AEBP2: variants seen among roughly 807,000 people sequenced by gnomAD.
AEBP2 encodes AE binding protein 2.
AEBP2 carries 10 observed loss-of-function variants against 50.8 expected under a neutral mutation model. The ratio of observed to expected loss-of-function variants is 0.20; its 90% confidence interval spans 0.12 to 0.33. The LOEUF is 0.33. Among genes scored for constraint, AEBP2 ranks in the 10% least tolerant of loss-of-function variants. The probability of loss-of-function intolerance (pLI) is 1.00; values close to 1 mark genes in which losing one functional copy is unlikely to be tolerated. For missense variants in AEBP2, 570 were observed against 688.0 expected (o/e 0.83, Z 1.92); for synonymous variants, 296 against 261.3 (o/e 1.13, Z -1.28).
chr12:19,425,398 T>C (rs188829108), intron 1 of AEBP2, among the ~76,000 whole-genome samples: 3 of 152,210 alleles, frequency 2.0e-5, no homozygotes, highest in Non-Finnish European at 2.9e-5. Context: ...ATATTAGAAA[T>C]AGTGGAATTA....
chr12:19,494,942 T>G (rs1948949309), intron 4 of AEBP2, among the ~76,000 whole-genome samples: 3 of 152,142 alleles, frequency 2.0e-5, no homozygotes, highest in Non-Finnish European at 4.4e-5. Flanking sequence ...GGTCTCACAC[T>G]GTCGCCCAGG....
At chr12:19,457,122 A>G in intron 1 of AEBP2, 2 of 1,599,728 alleles carry the variant, frequency 1.3e-6, no homozygotes, top group South Asian at 1.1e-5. Context: ...TGACTTCCTT[A>G]ACAATTTCCT....
chr12:19,505,926 C>T (rs12822239), intron 5 of AEBP2, among the ~76,000 whole-genome samples: 3 of 151,782 alleles, frequency 2.0e-5, no homozygotes, highest in African/African-American at 7.3e-5. Context: ...TAGGAGCACA[C>T]CACGATGCCT....
intron 5 of AEBP2, among the ~76,000 whole-genome samples, chr12:19,510,342 C>T (rs1199156479): frequency 3.3e-5 from 5 of 151,926 alleles, no homozygotes; most frequent in Admixed American, 3.3e-4. Context: ...GACTTTTCAC[C>T]CATTATTGGA....
rs1322411405 is a variant in AEBP2 at position 19,440,190 on chromosome 12, C to T, written c.491C>T (p.Pro164Leu). 3 of 1,448,402 alleles carry T rather than the reference C, an allele frequency of 2.1e-6. No homozygotes were observed. The highest frequency in any genetic ancestry group is 2.3e-4 in the Middle Eastern group (1 of 4,302). The allele number at this position is 1,448,402 out of a possible 1,614,324, so 89.7% of individuals were successfully genotyped here. A position where few individuals can be genotyped will look rare whatever the true frequency, so the allele number is the denominator to read the frequency against. Reference protein sequence around the residue: ...GKEGLEEPKGPRGSQGGGGGG... With the variant: ...GKEGLEEPKGLRGSQGGGGGG... ...GAGGGCCTGGAGGAGCCCAAGGGAC[C>T]GCGGGGCAGCCAGGGCGGCGGCGGG... Residue 164 changes from proline (P) to leucine (L), a missense_variant, in exon 1 of 8, where the codon CCG becomes CTG. Around this residue, in one of 2 missense-constraint regions of AEBP2, gnomAD observed 386 missense variants for 336.8 expected, o/e 1.15. Transcript: ENST00000266508.
chr12:19,518,647 A>G lies in AEBP2; in HGVS notation c.*530A>G. The G allele has an allele frequency of 6.8e-7, 1 of 1,464,292 alleles. No homozygotes were observed. The highest frequency in any genetic ancestry group is 9.2e-7 in the Non-Finnish European group (1 of 1,086,120). 90.7% of individuals were successfully genotyped at this position (1,464,292 alleles called of 1,614,324 possible). On this transcript the variant is annotated 3_prime_UTR_variant, in exon 8 of 8. Transcript: ENST00000266508. ...CTTTCAATTATGATAAATAGATGTG[A>G]TTGGTTGCCATTTGTGTTCTTTTGC...
At chr12:19,465,794 T>C (rs1480376549) in intron 2 of AEBP2, among the ~76,000 whole-genome samples, 7 of 141,216 alleles carry the variant, frequency 5.0e-5, no homozygotes, top group African/African-American at 8.4e-5. Context: ...GTTTTTTCTT[T>C]TTTTTTTTTT....
rs1949402036 is a variant in AEBP2 at position 19,521,741 on chromosome 12, A to G, written c.*3624A>G. 1 of 152,074 alleles carries G rather than the reference A, an allele frequency of 6.6e-6. No individual in the cohort carries two copies. The highest frequency in any genetic ancestry group is 1.5e-5 in the Non-Finnish European group (1 of 67,978). 9.4% of individuals were successfully genotyped at this position (152,074 alleles called of 1,614,324 possible). The stretch of plus-strand genomic sequence containing the variant: ...TTAATAAAATGTTTTAAATATGGTA[A>G]TACTCTTAAAACGGTAGAATTTGCC... On this transcript the variant is annotated 3_prime_UTR_variant, in exon 8 of 8. Coordinates refer to ENST00000266508, the MANE Select transcript of AEBP2 (RefSeq NM_153207.5).
chr12:19,501,797 G>GTTTTTTTTTTTTTTTTTT (rs754195220), intron 5 of AEBP2, among the ~76,000 whole-genome samples: 17 of 70,904 alleles, frequency 2.4e-4, no homozygotes, highest in Admixed American at 3.9e-4. Context: ...AAATGAGTTT[G>GTTTTTTTTTTTTTTTTTT]TTTTTTTTTT....
At position 19,471,948 on chromosome 12, in the gene AEBP2, A is replaced by G. The variant is rs1423562799; in HGVS notation, c.880-1300A>G. ...ACATGTTCTAGGGTTGGGAATTTTG[A>G]GTATGAAGGAGGAAACGTTATGACT... On this transcript the variant is annotated intron_variant, in intron 2 of 7. Transcript: ENST00000266508. Among the ~76,000 whole-genome samples the G allele has an allele frequency of 4.6e-5, 7 of 152,294 alleles. No individual in the cohort carries two copies. The East Asian group carries it at 1.3e-3, about 29-fold the overall frequency.
At chr12:19,509,173 G>T (rs796578820) in intron 5 of AEBP2, 10 of 414,892 alleles carry the variant, frequency 2.4e-5, no homozygotes, top group African/African-American at 1.8e-4. Context: ...TTTGTGACAG[G>T]ATCAAACATG....
chr12:19,450,783 A>C (rs762993317), intron 1 of AEBP2, among the ~76,000 whole-genome samples: 4 of 151,422 alleles, frequency 2.6e-5, no homozygotes, highest in Non-Finnish European at 5.9e-5. Context: ...TTGAGGCTGC[A>C]ATGAACTATG....
At chr12:19,436,843 C>G (rs533734926), upstream of AEBP2, among the ~76,000 whole-genome samples, 97 of 151,958 alleles carry the variant, frequency 6.4e-4, no homozygotes, top group Admixed American at 6.2e-3. Flanking sequence ...CAAGTGATCC[C>G]CCTGCTTCAG....
intron 2 of AEBP2, among the ~76,000 whole-genome samples, chr12:19,472,084 C>G (rs908552679): frequency 1.3e-5 from 2 of 152,034 alleles, no homozygotes; most frequent in Non-Finnish European, 2.9e-5. Flanking sequence ...CCTTGTTATA[C>G]CTATTTGACA....
At chr12:19,515,362 C>G (rs940593283) in intron 7 of AEBP2, among the ~76,000 whole-genome samples, 4 of 152,104 alleles carry the variant, frequency 2.6e-5, no homozygotes, top group African/African-American at 9.7e-5. Context: ...AGGTGCTTTG[C>G]GTATACGTCA....
chr12:19,502,882 A>T (rs938027066), intron 5 of AEBP2, among the ~76,000 whole-genome samples: 5 of 152,138 alleles, frequency 3.3e-5, no homozygotes, highest in Non-Finnish European at 7.4e-5. Context: ...TCCCAACCTC[A>T]GGTGATCCAG....
intron 1 of AEBP2, among the ~76,000 whole-genome samples, chr12:19,407,976 C>T (rs1592699983): frequency 1.3e-5 from 2 of 150,802 alleles, no homozygotes; most frequent in South Asian, 2.1e-4. Flanking sequence ...GCTTGAACCC[C>T]GGAGGCGGAG....
intron 5 of AEBP2, among the ~76,000 whole-genome samples, chr12:19,510,511 A>G (rs942014391): frequency 2.0e-5 from 3 of 152,332 alleles, no homozygotes; most frequent in Admixed American, 6.5e-5. Flanking sequence ...ACTGAGACCT[A>G]TAGTTGCCTA....
chr12:19,448,847 T>G (rs1714439615), intron 1 of AEBP2, among the ~76,000 whole-genome samples: 1 of 152,024 alleles, frequency 6.6e-6, no homozygotes, highest in Admixed American at 6.6e-5. Flanking sequence ...GCCCAGCTGC[T>G]TTTTTCATTT....
Sources: allele counts gnomAD v4.1 joint callset (sites outside exome capture counted in the v4.1 genomes callset), GRCh38; gene constraint gnomAD v4.1.1; regional missense constraint gnomAD v4.1.1; transcripts MANE v1.5; gene names NCBI Gene and HGNC (gene_info 2026-07-23, HGNC 2026-07-21).